TRIM24: variants seen among roughly 807,000 people sequenced by gnomAD.
TRIM24 encodes tripartite motif containing 24.
Under a neutral mutation model 123.9 loss-of-function variants are expected in TRIM24, and 29 were observed. The observed-to-expected ratio is 0.23, with a 90% CI of 0.17 to 0.32. TRIM24 has a LOEUF of 0.32. TRIM24 is among the 10% of genes least tolerant of loss of function. The pLI, the probability that TRIM24 is intolerant of heterozygous loss-of-function variation, is 1.00. For missense variants in TRIM24, 932 were observed against 1,295.3 expected, an observed-to-expected ratio of 0.72 and a Z score of 4.31; for synonymous variants, 456 against 461.1, an observed-to-expected ratio of 0.99 and a Z score of 0.14.
In TRIM24 at chr7:138,460,942, C is replaced by A. The variant is rs1794950020; in HGVS notation, c.364+30C>A. On this transcript the variant is annotated intron_variant, in intron 1 of 18. Coordinates refer to ENST00000343526, the MANE Select transcript of TRIM24 (RefSeq NM_015905.3). ...GAACCGGCCGCGGCCGCTGGGGAGC[C>A]CGGGGAGAGGGCCAGGAGGGGGCGG... The A allele has an allele frequency of 2.9e-6, 4 of 1,402,176 alleles. No individual in the cohort carries two copies. The South Asian group carries it at 6.2e-5, about 22-fold the overall frequency. The allele number at this position is 1,402,176 out of a possible 1,614,324, so 86.9% of individuals were successfully genotyped here. A position where few individuals can be genotyped will look rare whatever the true frequency, so the allele number is the denominator to read the frequency against.
chr7:138,584,969 T>C lies in TRIM24; in HGVS notation c.*18T>C. The C allele has an allele frequency of 6.4e-7, 1 of 1,562,730 alleles. No individual in the cohort carries two copies. The highest frequency in any genetic ancestry group is 8.6e-7 in the Non-Finnish European group (1 of 1,160,298). Reference sequence around the variant, plus strand: ...TTAAATAATATGCAGCACCACTAGCTTGTGCTGGTTTTTAGATTTTTTTGT... The same window carrying C: ...TTAAATAATATGCAGCACCACTAGCCTGTGCTGGTTTTTAGATTTTTTTGT... On this transcript the variant is annotated 3_prime_UTR_variant, in exon 19 of 19. Transcript: ENST00000343526.
chr7:138,487,588 A>G (rs1795676664), intron 1 of TRIM24, among the ~76,000 whole-genome samples: 1 of 152,180 alleles, frequency 6.6e-6, no homozygotes, highest in Non-Finnish European at 1.5e-5. Flanking sequence ...CCTTTTCTGC[A>G]TCTATTGAAA....
chr7:138,577,640 A>C, intron 14 of TRIM24, 52 bp downstream of exon 14: 1 of 1,411,290 alleles, frequency 7.1e-7, no homozygotes, highest in African/African-American at 1.5e-5. Flanking sequence ...GTAGGGTGAG[A>C]GAATCTTTTA....
chr7:138,542,167 T>G (rs1797017255), intron 7 of TRIM24, among the ~76,000 whole-genome samples: 1 of 152,206 alleles, frequency 6.6e-6, no homozygotes. Context: ...TTCAAGAACT[T>G]TTCCTTTACA....
At chr7:138,489,295 C>G (rs189320601) in intron 1 of TRIM24, among the ~76,000 whole-genome samples, 3 of 152,146 alleles carry the variant, frequency 2.0e-5, no homozygotes, top group African/African-American at 4.8e-5. Flanking sequence ...TCTTGACTCT[C>G]GATCCAATTT....
intron 4 of TRIM24, among the ~76,000 whole-genome samples, chr7:138,521,989 T>C (rs1796512291): frequency 6.6e-6 from 1 of 152,256 alleles, no homozygotes; most frequent in East Asian, 1.9e-4. Flanking sequence ...AGCCGAGCAG[T>C]GTGGCAGGTG....
At chr7:138,523,210 G>C (rs748996187) in intron 4 of TRIM24, among the ~76,000 whole-genome samples, 9 of 152,128 alleles carry the variant, frequency 5.9e-5, no homozygotes, top group Admixed American at 1.3e-4. Context: ...CCACTACCAG[G>C]AGTAGGAAGG....
chr7:138,578,867 C>G (rs1797830532), intron 14 of TRIM24, among the ~76,000 whole-genome samples: 1 of 151,776 alleles, frequency 6.6e-6, no homozygotes, highest in African/African-American at 2.4e-5. Flanking sequence ...AGTTTAGATT[C>G]ATCTTATAAT....
At chr7:138,463,055 T>TTTG (rs1563018669) in intron 1 of TRIM24, among the ~76,000 whole-genome samples, 1 of 142,594 alleles carries the variant, frequency 7.0e-6, no homozygotes, top group East Asian at 2.1e-4. Flanking sequence ...TTTTTTTTTT[T>TTTG]TTTTTTTTTT....
At chr7:138,492,984 G>A (rs1253285582) in intron 1 of TRIM24, among the ~76,000 whole-genome samples, 1 of 151,834 alleles carries the variant, frequency 6.6e-6, no homozygotes, top group African/African-American at 2.4e-5. Flanking sequence ...CTTCAAGTTT[G>A]CTGTTTCTTC....
At chr7:138,581,606 A>T in intron 16 of TRIM24, 91 bp from the exon 17 acceptor site, 1 of 1,100,982 alleles carries the variant, frequency 9.1e-7, no homozygotes, top group Non-Finnish European at 1.3e-6. Flanking sequence ...TTAGTCTGAC[A>T]CTTTGGGACC....
chr7:138,481,201 G>A (rs1025317972), intron 1 of TRIM24, among the ~76,000 whole-genome samples: 6 of 151,498 alleles, frequency 4.0e-5, no homozygotes, highest in African/African-American at 7.3e-5. Flanking sequence ...CATGTTGGTC[G>A]GGCTGGTCTC....
intron 10 of TRIM24, among the ~76,000 whole-genome samples, chr7:138,568,981 C>T (rs376293953): frequency 6.6e-6 from 1 of 152,164 alleles, no homozygotes; most frequent in Admixed American, 6.5e-5. Context: ...TCACCAAATT[C>T]TCTTAAACAA....
At chr7:138,490,955 G>T in intron 1 of TRIM24, 1 of 316,224 alleles carries the variant, frequency 3.2e-6, no homozygotes, top group South Asian at 2.8e-5. Flanking sequence ...AACCAATACA[G>T]AACAAATGAA....
chr7:138,556,548 G>C (rs551415239), intron 9 of TRIM24: 1 of 152,322 alleles, frequency 6.6e-6, no homozygotes, highest in East Asian at 1.9e-4. Flanking sequence ...TGTGAATGTA[G>C]GGGGAAATAG....
At chr7:138,462,778 C>G in intron 1 of TRIM24, among the ~76,000 whole-genome samples, 1 of 152,170 alleles carries the variant, frequency 6.6e-6, no homozygotes, top group South Asian at 2.1e-4. Context: ...GTTGGACACT[C>G]TCAGATCCTT....
intron 7 of TRIM24, among the ~76,000 whole-genome samples, chr7:138,549,440 G>A (rs1797166898): frequency 6.6e-6 from 1 of 152,164 alleles, no homozygotes; most frequent in Admixed American, 6.5e-5. Flanking sequence ...TCAAAAACAG[G>A]TTGGCATTGG....
chr7:138,542,885 G>T (rs1797031373), intron 7 of TRIM24, among the ~76,000 whole-genome samples: 1 of 152,042 alleles, frequency 6.6e-6, no homozygotes, highest in Non-Finnish European at 1.5e-5. Context: ...ATAATTATCA[G>T]TGCTATAGTC....
chr7:138,580,596 T>C lies in TRIM24; in HGVS notation c.2620T>C (p.Ser874Pro). 6.2e-7 allele frequency: 1 copy of C among 1,613,730 alleles called. No individual in the cohort carries two copies. Among genetic ancestry groups the C allele is most frequent in the Non-Finnish European group, 8.5e-7 (1 of 1,179,812 alleles). The change falls in exon 16 of 19, where the codon TCT becomes CCT. Residue 874 changes from serine to proline, a missense_variant. Transcript: ENST00000343526. ...GATTTGCACTTTCTGCCGAGACTTA[T>C]CTAAACCAGAAGTTGAATATGATTG... ...EWICTFCRDL[S>P]KPEVEYDCDA...
Sources: gnomAD v4.1 joint callset for allele counts (sites outside exome capture counted in the v4.1 genomes callset) on GRCh38, gnomAD v4.1.1 for gene constraint, MANE v1.5 for transcripts, NCBI Gene and HGNC (gene_info 2026-07-23, HGNC 2026-07-21) for gene names.